The following KCNQ5 variants were observed in gnomAD, a reference collection of about 807,000 sequenced individuals.
KCNQ5 encodes the protein potassium voltage-gated channel subfamily KQT member 5.
Under a neutral mutation model 98.2 loss-of-function variants are expected in KCNQ5, and 30 were observed. The ratio of observed to expected loss-of-function variants is 0.31; its 90% CI spans 0.23 to 0.41. The LOEUF (loss-of-function observed/expected upper bound fraction) is 0.41, where lower values mean the gene tolerates loss of function less well. KCNQ5 is among the 10% of genes least tolerant of loss of function. The pLI is 1.00. For synonymous variants in KCNQ5, 458 were observed against 449.4 expected (o/e 1.02, Z -0.24); for missense variants, 835 against 1,182.5 (o/e 0.71, Z 4.31).
intron 2 of KCNQ5, among the ~76,000 whole-genome samples, chr6:73,021,063 G>C (rs1204903073): frequency 6.6e-6 from 1 of 151,982 alleles, no homozygotes; most frequent in Admixed American, 6.6e-5. Flanking sequence ...CACCATCTTG[G>C]TAATTCCTAT....
At chr6:72,941,093 A>G (rs1766211078) in intron 1 of KCNQ5, among the ~76,000 whole-genome samples, 1 of 152,224 alleles carries the variant, frequency 6.6e-6, no homozygotes, top group South Asian at 2.1e-4. Context: ...AAATGTTTAT[A>G]AAGTACCTAG....
chr6:73,174,038 G>A (rs1970549), intron 11 of KCNQ5, among the ~76,000 whole-genome samples: 72,242 of 151,520 alleles, frequency 0.48, 21,269 homozygotes, highest in African/African-American at 0.82. Context: ...GCTTCTTACC[G>A]GTATTGTTTT....
intron 5 of KCNQ5, among the ~76,000 whole-genome samples, chr6:73,087,600 A>C: frequency 6.6e-6 from 1 of 152,178 alleles, no homozygotes; most frequent in East Asian, 1.9e-4. Context: ...CTGGAAAGAG[A>C]GAAAAAAGAG....
intron 1 of KCNQ5, among the ~76,000 whole-genome samples, chr6:72,725,440 A>G (rs571907703): frequency 4.7e-4 from 72 of 152,320 alleles, no homozygotes; most frequent in African/African-American, 1.6e-3. Flanking sequence ...GTAGAAAAAG[A>G]GAATTTCTAT....
chr6:72,688,931 T>A (rs537187868), intron 1 of KCNQ5, among the ~76,000 whole-genome samples: 5 of 152,284 alleles, frequency 3.3e-5, no homozygotes, highest in African/African-American at 9.6e-5. Flanking sequence ...ATATTTCATG[T>A]CAAAACAGAG....
intron 5 of KCNQ5, among the ~76,000 whole-genome samples, chr6:73,099,076 A>G (rs1774647900): frequency 6.6e-6 from 1 of 152,068 alleles, no homozygotes; most frequent in African/African-American, 2.4e-5. Flanking sequence ...TTAAATTGTG[A>G]TCAGTTTAAA....
chr6:72,757,690 A>G (rs1772040557), intron 1 of KCNQ5, among the ~76,000 whole-genome samples: 1 of 152,172 alleles, frequency 6.6e-6, no homozygotes, highest in Non-Finnish European at 1.5e-5. Flanking sequence ...TCAAAAAATC[A>G]TAGCGTAACC....
intron 5 of KCNQ5, among the ~76,000 whole-genome samples, chr6:73,082,747 T>TGA (rs1773830338): frequency 6.6e-6 from 1 of 152,214 alleles, no homozygotes; most frequent in South Asian, 2.1e-4. Flanking sequence ...CTTCACTGAC[T>TGA]GGCCAGATTA....
intron 1 of KCNQ5, among the ~76,000 whole-genome samples, chr6:72,760,402 A>G (rs946048761): frequency 5.9e-5 from 9 of 151,738 alleles, no homozygotes; most frequent in Non-Finnish European, 1.0e-4. Context: ...TTGATTTTGA[A>G]CTGGACCCAA....
chr6:72,958,004 G>A (rs1245737533), intron 1 of KCNQ5, among the ~76,000 whole-genome samples: 1 of 152,154 alleles, frequency 6.6e-6, no homozygotes, highest in African/African-American at 2.4e-5. Flanking sequence ...CTTAGAGCAA[G>A]TGCTGTGCCT....
intron 1 of KCNQ5, among the ~76,000 whole-genome samples, chr6:72,919,839 A>G (rs1034194729): frequency 1.4e-4 from 22 of 152,114 alleles, no homozygotes; most frequent in African/African-American, 5.3e-4. Context: ...CCCAAGATGG[A>G]TGTATTCTTC....
chr6:72,864,228 A>G (rs775016618), intron 1 of KCNQ5, among the ~76,000 whole-genome samples: 2 of 152,116 alleles, frequency 1.3e-5, no homozygotes, highest in Non-Finnish European at 2.9e-5. Flanking sequence ...CCTATATCCC[A>G]TGAACACTAC....
chr6:72,643,530 TGTAA>T (rs1765435084), intron 1 of KCNQ5, among the ~76,000 whole-genome samples: 1 of 152,098 alleles, frequency 6.6e-6, no homozygotes, highest in Non-Finnish European at 1.5e-5. Context: ...CTCCAAAATA[TGTAA>T]CTTTTTGAGT....
chr6:72,893,941 G>A (rs1268333327), intron 1 of KCNQ5, among the ~76,000 whole-genome samples: 6 of 152,090 alleles, frequency 3.9e-5, no homozygotes, highest in Admixed American at 3.9e-4. Flanking sequence ...CCTTTCTGAT[G>A]TTCTAATACT....
intron 11 of KCNQ5, among the ~76,000 whole-genome samples, chr6:73,183,930 A>G (rs868481726): frequency 7.9e-5 from 12 of 152,144 alleles, no homozygotes; most frequent in Non-Finnish European, 8.8e-5. Flanking sequence ...ACTGATAGCA[A>G]TCTCCTAGGA....
intron 1 of KCNQ5, among the ~76,000 whole-genome samples, chr6:72,886,052 C>T (rs932633128): frequency 6.6e-6 from 1 of 152,116 alleles, no homozygotes; most frequent in Non-Finnish European, 1.5e-5. Flanking sequence ...CCCCAAGACT[C>T]CAAGAATTCT....
intron 1 of KCNQ5, among the ~76,000 whole-genome samples, chr6:72,937,443 C>G (rs1422919047): frequency 6.6e-6 from 1 of 152,196 alleles, no homozygotes; most frequent in Non-Finnish European, 1.5e-5. Flanking sequence ...TTGCCTCTAC[C>G]ACAGAACCAT....
intron 1 of KCNQ5, among the ~76,000 whole-genome samples, chr6:72,633,127 A>G (rs948240450): frequency 2.6e-5 from 4 of 152,018 alleles, no homozygotes; most frequent in Admixed American, 1.3e-4. Context: ...AATCATTCTG[A>G]TGGTATGAGG....
In KCNQ5 at chr6:73,198,283, G is replaced by T. The variant is rs1247440393; in HGVS notation, c.*2869G>T. 6.6e-6 allele frequency: 1 copy of T among 152,180 alleles called. No individual in the cohort carries two copies. The highest frequency in any genetic ancestry group is 1.5e-5 in the Non-Finnish European group (1 of 68,020). The allele number at this position is 152,180 out of a possible 1,614,324, so 9.4% of individuals were successfully genotyped here. On this transcript the variant is annotated 3_prime_UTR_variant, in exon 14 of 14. Coordinates refer to ENST00000370398, the MANE Select transcript of KCNQ5 (RefSeq NM_019842.4). ...TAACTAAAAAAATTTTGCTATGTCT[G>T]ATCTACATGTTTGCATTTTGTTCAA...
Sources: allele counts gnomAD v4.1 joint callset (sites outside exome capture counted in the v4.1 genomes callset), GRCh38; gene constraint gnomAD v4.1.1; transcripts MANE v1.5; gene names NCBI Gene and HGNC (gene_info 2026-07-23, HGNC 2026-07-21).